TMPRSS13: variants seen among roughly 807,000 people sequenced by gnomAD.
The protein encoded by TMPRSS13 is transmembrane serine protease 13.
A neutral mutation model predicts 68.4 loss-of-function variants in TMPRSS13; 50 were observed. The observed-to-expected ratio is 0.73, with a 90% CI of 0.58 to 0.93. TMPRSS13 has a LOEUF of 0.93. Ranked by LOEUF, TMPRSS13 falls within the 40% of genes least tolerant of loss-of-function variation. The pLI is 0.00. For synonymous variants in TMPRSS13, 267 were observed against 285.8 expected (o/e 0.93, Z 0.66); for missense variants, 615 against 729.2 (o/e 0.84, Z 1.80).
intron 7 of TMPRSS13, 51 bp downstream of exon 7, chr11:117,910,656 C>T (rs768286315): frequency 2.6e-6 from 4 of 1,562,644 alleles, no homozygotes; most frequent in South Asian, 1.2e-5. Context: ...GCCCCTCTGC[C>T]CTTTACTCCC....
At chr11:117,910,912 T>C (rs2057516752) in intron 6 of TMPRSS13, among the ~76,000 whole-genome samples, 162 bp from the exon 7 acceptor site, 1 of 152,150 alleles carries the variant, frequency 6.6e-6, no homozygotes, top group Admixed American at 6.5e-5. Flanking sequence ...CATGTGACAT[T>C]GTCCCTTCCA....
At chr11:117,913,938 T>G in intron 4 of TMPRSS13, 32 bp from the exon 5 acceptor site, 1 of 1,608,424 alleles carries the variant, frequency 6.2e-7, no homozygotes, top group East Asian at 2.2e-5. Flanking sequence ...GAGCAGGTCC[T>G]CAGCACCTAG....
Position 117,914,025 on chromosome 11 carries a change from G to T in TMPRSS13, c.680-119C>A. ...TGTCCTGACAGCACTCCTTGCTGAG[G>T]CCTGGGAAAAGTCCAGGAACATGGC... On this transcript the variant is annotated intron_variant, in intron 4 of 12. Coordinates refer to ENST00000524993, the MANE Select transcript of TMPRSS13 (RefSeq NM_001077263.3). The surrounding 1 kb of genome is among the most constrained non-coding windows in gnomAD (Gnocchi z 4.2). 2 of 1,253,612 alleles carry T rather than the reference G, an allele frequency of 1.6e-6. No homozygotes were observed. Among genetic ancestry groups the T allele is most frequent in the Non-Finnish European group, 2.2e-6 (2 of 910,316 alleles). The allele number at this position is 1,253,612 out of a possible 1,614,324, so 77.7% of individuals were successfully genotyped here. A position where few individuals can be genotyped will look rare whatever the true frequency, so the allele number is the denominator to read the frequency against.
intron 8 of TMPRSS13, among the ~76,000 whole-genome samples, chr11:117,909,212 G>C (rs939653063): frequency 4.6e-5 from 7 of 152,168 alleles, no homozygotes; most frequent in Non-Finnish European, 1.0e-4. Context: ...CACCAGACAG[G>C]GTCAAGGGCT....
chr11:117,903,537 C>T (rs1270642423), intron 12 of TMPRSS13, 118 bp downstream of exon 12: 26 of 1,566,506 alleles, frequency 1.7e-5, no homozygotes, highest in Non-Finnish European at 2.2e-5. Flanking sequence ...TCCAGAACAC[C>T]CCCCGAATAT....
intron 9 of TMPRSS13, 75 bp from the exon 10 acceptor site, chr11:117,905,811 A>G (rs3802872): frequency 0.42 from 502,685 of 1,192,122 alleles, 109,154 homozygotes; most frequent in East Asian, 0.64. Flanking sequence ...AAGGAGCACA[A>G]CCACTCTGGG....
chr11:117,909,821 G>A lies in TMPRSS13; in HGVS notation c.1094C>T (p.Ala365Val). ...AGGCACTTACACGAAGAAGCAGTGG[G>A]CGGCAGTGAGCACCCACTGGGCGTC... The part of the protein sequence containing the change: ...LIDAQWVLTA[A>V]HCFFVTREKV... The change falls in exon 8 of 13, where the codon GCC (alanine) becomes GTC (valine). Residue 365 changes from alanine (A) to valine (V), a missense_variant. Physicochemically the swap from Ala to Val is moderately conservative, Grantham distance 64. Transcript: ENST00000524993. The A allele has an allele frequency of 6.2e-7, 1 of 1,611,720 alleles. No individual in the cohort carries two copies. Among genetic ancestry groups the A allele is most frequent in the Non-Finnish European group, 8.5e-7 (1 of 1,179,378 alleles).
chr11:117,909,647 G>A (rs534560578), intron 8 of TMPRSS13, among the ~76,000 whole-genome samples, 159 bp downstream of exon 8: 2 of 152,292 alleles, frequency 1.3e-5, no homozygotes, highest in Admixed American at 1.3e-4. Flanking sequence ...ACACTCTCAG[G>A]ACCAGGTGAA....
At chr11:117,911,728 C>A in intron 6 of TMPRSS13, 40 bp downstream of exon 6, 1 of 1,562,174 alleles carries the variant, frequency 6.4e-7, no homozygotes, top group Non-Finnish European at 8.8e-7. Flanking sequence ...CCCACTCCTT[C>A]CCCTGCTCAC....
In TMPRSS13 at chr11:117,901,630, G is replaced by T. The variant is rs1041114267; in HGVS notation, c.*609C>A. On this transcript the variant is annotated 3_prime_UTR_variant, in exon 13 of 13. Coordinates refer to ENST00000524993, the MANE Select transcript of TMPRSS13 (RefSeq NM_001077263.3). ...AGCAGCTTGTGACCAAATGAGTACA[G>T]TGAATCCTCATCTCAGTTGTCAGCC... is the stretch of plus-strand genomic sequence containing the variant. 6.5e-6 allele frequency: 1 copy of T among 152,720 alleles called. No individual in the cohort carries two copies. The highest frequency in any genetic ancestry group is 2.4e-5 in the African/African-American group (1 of 41,444). The allele number at this position is 152,720 out of a possible 1,614,324, so 9.5% of individuals were successfully genotyped here.
chr11:117,917,219 G>C lies in TMPRSS13; in HGVS notation c.507C>G (p.Ile169Met). The C allele has an allele frequency of 6.2e-7, 1 of 1,613,032 alleles. No individual in the cohort carries two copies. Among genetic ancestry groups the C allele is most frequent in the Non-Finnish European group, 8.5e-7 (1 of 1,180,008 alleles). Residue 169 changes from isoleucine to methionine, a missense_variant, in exon 3 of 13, where the codon ATC (isoleucine) becomes ATG (methionine). Physicochemically the swap from Ile to Met is conservative, Grantham distance 10 (BLOSUM62 1). Coordinates refer to ENST00000524993, the MANE Select transcript of TMPRSS13 (RefSeq NM_001077263.3). ...WREGQKQLPL[I>M]GCVLLLIALV... ...GGGCAATGAGGAGGAGCACGCACCC[G>C]ATGAGCGGTAGCTGCTTCTGGCCCT... is the stretch of plus-strand genomic sequence containing the variant.
At position 117,905,635 on chromosome 11, in the gene TMPRSS13, T is replaced by C. The variant is rs755944736; in HGVS notation, c.1381+3A>G. On this transcript the variant is annotated splice_donor_region_variant and intron_variant, in intron 10 of 12. Coordinates refer to ENST00000524993, the MANE Select transcript of TMPRSS13 (RefSeq NM_001077263.3). Reference sequence around the variant, plus strand: ...CACACAACCAAGCATCTTTGCCTCTTACCATCTGTCTCCCTGGTCTTGCCA... The same window carrying C: ...CACACAACCAAGCATCTTTGCCTCTCACCATCTGTCTCCCTGGTCTTGCCA... 1.3e-6 allele frequency: 2 copies of C among 1,594,100 alleles called. No homozygotes were observed. The highest frequency in any genetic ancestry group is 1.7e-5 in the Admixed American group (1 of 58,174).
chr11:117,920,054 G>A (rs11826839), intron 1 of TMPRSS13, among the ~76,000 whole-genome samples: 112,252 of 152,144 alleles, frequency 0.74, 41,596 homozygotes, highest in Middle Eastern at 0.77. Context: ...GGGGCCCTGT[G>A]ACCTGCCAAG....
intron 1 of TMPRSS13, among the ~76,000 whole-genome samples, chr11:117,926,312 G>C (rs978542382): frequency 6.6e-6 from 1 of 152,204 alleles, no homozygotes; most frequent in African/African-American, 2.4e-5. Context: ...CAGGTGCCAG[G>C]GTCCTTGGGG....
At chr11:117,912,890 A>T (rs1161553651) in intron 5 of TMPRSS13, among the ~76,000 whole-genome samples, 3 of 152,218 alleles carry the variant, frequency 2.0e-5, no homozygotes, top group Admixed American at 1.3e-4. Flanking sequence ...ACATTCAAAG[A>T]CCTGAATACC....
chr11:117,915,628 C>T lies in TMPRSS13; in HGVS notation c.557-1114G>A, dbSNP rs1278455584. ...GGAGTCAGGAGGCCTGGGCTCTAGT[C>T]CTGACCCCACCAGGTAGCTGCTTGG... On this transcript the variant is annotated intron_variant, in intron 3 of 12. Coordinates refer to ENST00000524993, the MANE Select transcript of TMPRSS13 (RefSeq NM_001077263.3). This position sits in a 1 kb window ranked among gnomAD's most constrained non-coding sequence, Gnocchi z 4.9. 2.0e-5 allele frequency among the ~76,000 whole-genome samples: 3 copies of T among 152,198 alleles called. No individual in the cohort carries two copies. The highest frequency in any genetic ancestry group is 6.5e-5 in the Admixed American group (1 of 15,288).
At chr11:117,904,134 T>C in intron 10 of TMPRSS13, 33 bp from the exon 11 acceptor site, 1 of 1,607,522 alleles carries the variant, frequency 6.2e-7, no homozygotes, top group Non-Finnish European at 8.5e-7. Flanking sequence ...AGACAGAGGA[T>C]GGGAAGCCAG....
chr11:117,920,888 G>T (rs1014517749), intron 1 of TMPRSS13, among the ~76,000 whole-genome samples: 1 of 152,124 alleles, frequency 6.6e-6, no homozygotes, highest in Admixed American at 6.5e-5. Flanking sequence ...GCGTTTCCTG[G>T]GCAAGCGACA....
At chr11:117,903,226 A>C in intron 12 of TMPRSS13, 1 of 1,341,590 alleles carries the variant, frequency 7.5e-7, no homozygotes, top group Non-Finnish European at 9.7e-7. Context: ...ACAACAACAA[A>C]AAGAAAATCA....
Sources: allele counts gnomAD v4.1 joint callset (sites outside exome capture counted in the v4.1 genomes callset), GRCh38; gene constraint gnomAD v4.1.1; non-coding constraint Gnocchi (gnomAD v3.1); transcripts MANE v1.5; gene names NCBI Gene and HGNC (gene_info 2026-07-23, HGNC 2026-07-21).